Variants in DOCK3 observed in about 807,000 individuals in gnomAD.
DOCK3 encodes dedicator of cytokinesis 3.
DOCK3 carries 60 observed loss-of-function variants against 265.6 expected under a neutral mutation model. The observed-to-expected ratio is 0.23, with a 90% confidence interval of 0.18 to 0.28. The LOEUF (loss-of-function observed/expected upper bound fraction) is 0.28, where lower values mean the gene tolerates loss of function less well. Among genes scored for constraint, DOCK3 ranks in the 10% least tolerant of loss-of-function variants. The pLI is 1.00. For synonymous variants in DOCK3, 881 were observed against 938.0 expected, an observed-to-expected ratio of 0.94 and a Z score of 1.11; for missense variants, 1,981 against 2,594.3, an observed-to-expected ratio of 0.76 and a Z score of 5.14.
intron 5 of DOCK3, among the ~76,000 whole-genome samples, chr3:51,056,792 T>C (rs1017821436): frequency 6.6e-6 from 1 of 152,196 alleles, no homozygotes; most frequent in Admixed American, 6.5e-5. Context: ...AAAACCCATC[T>C]ACTTATGTAT....
In DOCK3 at chr3:50,886,343, A is replaced by G. The variant is rs117663201; in HGVS notation, c.163-3683A>G. Among the ~76,000 whole-genome samples, 267 of 152,020 alleles carry G rather than the reference A, an allele frequency of 1.8e-3. 2 individuals carry two copies. The highest frequency in any genetic ancestry group is 7.9e-3 in the East Asian group (41 of 5,178). Reference sequence around the variant, plus strand: ...TACTATCAATTGTTTTTTTAAAAACAGATAAACGATAGTCATCATTTAGCT... The same window carrying G: ...TACTATCAATTGTTTTTTTAAAAACGGATAAACGATAGTCATCATTTAGCT... On this transcript the variant is annotated intron_variant, in intron 3 of 52. Transcript: ENST00000266037.
intron 5 of DOCK3, among the ~76,000 whole-genome samples, chr3:50,981,377 T>C (rs2077683439): frequency 1.3e-5 from 2 of 152,236 alleles, no homozygotes. Flanking sequence ...ACTTACCAGA[T>C]GGCCTAGCCT....
At chr3:51,025,922 C>T (rs78175988) in intron 5 of DOCK3, among the ~76,000 whole-genome samples, 5,083 of 152,210 alleles carry the variant, frequency 0.033, 281 homozygotes, top group African/African-American at 0.11. Flanking sequence ...GGCAGACTCT[C>T]CCCTTCTCAC....
intron 22 of DOCK3, among the ~76,000 whole-genome samples, chr3:51,248,516 G>C (rs1350273822): frequency 1.3e-5 from 2 of 152,188 alleles, no homozygotes; most frequent in African/African-American, 4.8e-5. Flanking sequence ...CCAGGCTGGA[G>C]TGCAGTGGCG....
intron 12 of DOCK3, among the ~76,000 whole-genome samples, chr3:51,168,447 A>C (rs2086512395): frequency 6.6e-6 from 1 of 152,210 alleles, no homozygotes; most frequent in African/African-American, 2.4e-5. Flanking sequence ...GCATGCCTAC[A>C]ACAATCTGAT....
rs762709788 is a variant in DOCK3 at position 51,318,744 on chromosome 3, G to A, written c.3402+3616G>A. ...CCTTAATTATATTGTTTGAACTTCTGTAGCCTAACTAATGCTTTGCTACTT... is the reference window on the plus strand; with the variant it reads ...CCTTAATTATATTGTTTGAACTTCTATAGCCTAACTAATGCTTTGCTACTT... On this transcript the variant is annotated intron_variant, in intron 32 of 52. Coordinates refer to ENST00000266037, the MANE Select transcript of DOCK3 (RefSeq NM_004947.5). Among the ~76,000 whole-genome samples the A allele has an allele frequency of 3.0e-4, 46 of 151,958 alleles. 1 individual carries two copies. Among genetic ancestry groups the A allele is most frequent in the Admixed American group, 3.0e-3 (46 of 15,248 alleles).
At chr3:51,242,728 GCTCTGTGC>G (rs1437634570) in intron 21 of DOCK3, among the ~76,000 whole-genome samples, 1 of 152,144 alleles carries the variant, frequency 6.6e-6, no homozygotes, top group Non-Finnish European at 1.5e-5. Flanking sequence ...GGGCTGGCTG[GCTCTGTGC>G]CCACCAAGGC....
intron 19 of DOCK3, among the ~76,000 whole-genome samples, chr3:51,235,005 T>A (rs2078295898): frequency 6.6e-6 from 1 of 152,212 alleles, no homozygotes; most frequent in Admixed American, 6.5e-5. Flanking sequence ...CTGTCCATAA[T>A]GAACATTCTT....
intron 3 of DOCK3, among the ~76,000 whole-genome samples, chr3:50,844,382 A>ATT (rs909819467): frequency 1.3e-5 from 2 of 149,644 alleles, no homozygotes; most frequent in African/African-American, 4.9e-5. Context: ...CACCTGGCTA[A>ATT]TTTTTTTTTT....
intron 1 of DOCK3, among the ~76,000 whole-genome samples, chr3:50,694,971 G>A (rs7615703): frequency 0.78 from 119,182 of 152,246 alleles, 47,718 homozygotes; most frequent in Middle Eastern, 0.89. Context: ...GGGCAGGCTA[G>A]TAACTAAGCC....
chr3:51,333,451 C>T (rs938610423), intron 35 of DOCK3, among the ~76,000 whole-genome samples, 198 bp downstream of exon 35: 1 of 152,134 alleles, frequency 6.6e-6, no homozygotes, highest in Non-Finnish European at 1.5e-5. Context: ...AGGCTAGGGC[C>T]TCCTGGGATT....
intron 9 of DOCK3, among the ~76,000 whole-genome samples, chr3:51,119,434 T>C (rs536546593): frequency 6.6e-6 from 1 of 152,296 alleles, no homozygotes; most frequent in South Asian, 2.1e-4. Flanking sequence ...AATCTGACGA[T>C]TGTGTGTCTT....
Position 51,382,568 on chromosome 3 carries a change from G to A in DOCK3, c.*1009G>A, listed in dbSNP as rs1186182490. On this transcript the variant is annotated 3_prime_UTR_variant, in exon 53 of 53. Transcript: ENST00000266037. ...AGCACTACCTCTGAGCCATGGGGTTGGCTGCCCAGCCAGGCTTCCAGGCCC... is the reference window on the plus strand; with the variant it reads ...AGCACTACCTCTGAGCCATGGGGTTAGCTGCCCAGCCAGGCTTCCAGGCCC... 6.6e-6 allele frequency: 1 copy of A among 152,666 alleles called. No individual in the cohort carries two copies. The highest frequency in any genetic ancestry group is 1.5e-5 in the Non-Finnish European group (1 of 68,070). The allele number at this position is 152,666 out of a possible 1,614,324, so 9.5% of individuals were successfully genotyped here.
chr3:51,266,219 G>A (rs1329334820), intron 23 of DOCK3, among the ~76,000 whole-genome samples: 1 of 152,180 alleles, frequency 6.6e-6, no homozygotes, highest in Non-Finnish European at 1.5e-5. Flanking sequence ...CTCATGGATA[G>A]GAAGAATCAA....
At chr3:51,057,477 C>T (rs1232445031) in intron 5 of DOCK3, among the ~76,000 whole-genome samples, 1 of 152,132 alleles carries the variant, frequency 6.6e-6, no homozygotes, top group Non-Finnish European at 1.5e-5. Context: ...GATGATTGTG[C>T]CAGAAAACAA....
chr3:50,905,003 G>A (rs1330033719), intron 4 of DOCK3, among the ~76,000 whole-genome samples: 13 of 151,966 alleles, frequency 8.6e-5, no homozygotes, highest in Non-Finnish European at 1.8e-4. Flanking sequence ...TCCCAGAACC[G>A]TTTGTTAAAT....
intron 35 of DOCK3, among the ~76,000 whole-genome samples, chr3:51,337,518 C>G (rs1008650139): frequency 2.0e-5 from 3 of 152,208 alleles, no homozygotes; most frequent in African/African-American, 7.2e-5. Flanking sequence ...GCACAAGAAA[C>G]TAGATCTTCT....
chr3:50,741,878 T>G (rs1372265032), intron 1 of DOCK3, among the ~76,000 whole-genome samples: 2 of 152,226 alleles, frequency 1.3e-5, no homozygotes, highest in Middle Eastern at 3.2e-3. Flanking sequence ...TGAACTAGTT[T>G]ACAGTCCCAC....
chr3:50,811,248 A>G (rs1166418709), intron 2 of DOCK3, among the ~76,000 whole-genome samples: 1 of 151,806 alleles, frequency 6.6e-6, no homozygotes, highest in Admixed American at 6.6e-5. Flanking sequence ...GAGAGAAAAG[A>G]AAAAAATTAG....
Sources: allele counts gnomAD v4.1 joint callset (sites outside exome capture counted in the v4.1 genomes callset), GRCh38; gene constraint gnomAD v4.1.1; transcripts MANE v1.5; gene names NCBI Gene and HGNC (gene_info 2026-07-23, HGNC 2026-07-21).